SGCZ: variants seen among roughly 807,000 people sequenced by gnomAD.
The protein encoded by SGCZ is zeta-sarcoglycan.
A neutral mutation model predicts 41.3 loss-of-function variants in SGCZ; 40 were observed. That is an observed-to-expected ratio of 0.97 (90% confidence interval 0.75 to 1.26). The LOEUF (loss-of-function observed/expected upper bound fraction) is 1.26. Among genes scored for constraint, SGCZ ranks in the 50% most tolerant of loss-of-function variants. The pLI is 0.00. For synonymous variants in SGCZ, 206 were observed against 137.5 expected, an observed-to-expected ratio of 1.50 and a Z score of -3.49; for missense variants, 552 against 369.8, an observed-to-expected ratio of 1.49 and a Z score of -4.04.
chr8:15,113,652 G>C (rs1190677609), intron 1 of SGCZ, among the ~76,000 whole-genome samples: 3 of 152,174 alleles, frequency 2.0e-5, no homozygotes, highest in Admixed American at 6.5e-5. Context: ...CCTGCTTTCA[G>C]TCCCCCTTCC....
intron 5 of SGCZ, among the ~76,000 whole-genome samples, chr8:14,115,147 A>C (rs1397510034): frequency 6.6e-6 from 1 of 152,004 alleles, no homozygotes; most frequent in Non-Finnish European, 1.5e-5. Context: ...TTAATTCCAA[A>C]GTATGTGATT....
intron 4 of SGCZ, among the ~76,000 whole-genome samples, chr8:14,215,316 T>C (rs1022050308): frequency 2.0e-5 from 3 of 152,134 alleles, no homozygotes; most frequent in African/African-American, 7.2e-5. Context: ...TGTGTATATA[T>C]ACATATTTAA....
intron 1 of SGCZ, among the ~76,000 whole-genome samples, chr8:15,007,704 CATGT>C (rs1324485266): frequency 1.3e-5 from 2 of 152,230 alleles, no homozygotes; most frequent in African/African-American, 4.8e-5. Flanking sequence ...TCTTAGCATG[CATGT>C]GTCATAATAT....
intron 3 of SGCZ, among the ~76,000 whole-genome samples, chr8:14,316,878 C>T (rs1037207654): frequency 6.7e-6 from 1 of 149,380 alleles, no homozygotes; most frequent in Non-Finnish European, 1.5e-5. Context: ...AACATGAAAT[C>T]TAGACTCATA....
intron 5 of SGCZ, among the ~76,000 whole-genome samples, chr8:14,159,425 C>G (rs112588990): frequency 1.5e-3 from 234 of 152,150 alleles, no homozygotes; most frequent in African/African-American, 5.4e-3. Flanking sequence ...TTAGAGGAAA[C>G]AGCTTATTTT....
chr8:14,507,123 A>G (rs555910882), intron 2 of SGCZ, among the ~76,000 whole-genome samples: 38 of 130,402 alleles, frequency 2.9e-4, no homozygotes, highest in Admixed American at 3.6e-4. Context: ...AATCTTCCCT[A>G]TCTTCCAAAC....
At chr8:14,387,826 C>A (rs1156540366) in intron 2 of SGCZ, among the ~76,000 whole-genome samples, 1 of 151,968 alleles carries the variant, frequency 6.6e-6, no homozygotes, top group East Asian at 1.9e-4. Context: ...CTGGTCTTTG[C>A]ATTTTTAGCT....
chr8:14,448,128 G>A (rs1585527538), intron 2 of SGCZ, among the ~76,000 whole-genome samples: 1 of 152,198 alleles, frequency 6.6e-6, no homozygotes, highest in East Asian at 1.9e-4. Flanking sequence ...GAGATGGAAT[G>A]TAGATGCTAA....
rs1468971109 is a variant in SGCZ at position 14,551,577 on chromosome 8, T to C, written c.234+3155A>G. On this transcript the variant is annotated intron_variant, in intron 2 of 7. Transcript: ENST00000382080. ...ATATATATTATATATATAATATATA[T>C]ATAATATATATAATATATATTATAT... Among the ~76,000 whole-genome samples the C allele has an allele frequency of 1.6e-4, 6 of 36,760 alleles. 1 individual carries two copies. Among genetic ancestry groups the C allele is most frequent in the South Asian group, 6.1e-4 (1 of 1,650 alleles). 24.1% of individuals were successfully genotyped at this position (36,760 alleles called of 152,430 possible). A position where few individuals can be genotyped will look rare whatever the true frequency, so the allele number is the denominator to read the frequency against.
chr8:14,438,795 G>C (rs957674374), intron 2 of SGCZ, among the ~76,000 whole-genome samples: 13 of 151,836 alleles, frequency 8.6e-5, no homozygotes, highest in Admixed American at 8.5e-4. Context: ...AGAAAACCAT[G>C]ATAATTTTAA....
intron 1 of SGCZ, among the ~76,000 whole-genome samples, chr8:14,683,609 C>G (rs1321063505): frequency 2.0e-5 from 3 of 151,972 alleles, no homozygotes; most frequent in Non-Finnish European, 4.4e-5. Flanking sequence ...CTTATTTTCC[C>G]AGATAATAAG....
At chr8:14,263,164 A>T (rs7813566) in intron 3 of SGCZ, among the ~76,000 whole-genome samples, 131,744 of 152,192 alleles carry the variant, frequency 0.87, 57,876 homozygotes, top group Non-Finnish European at 0.95. Context: ...ATTCAAAACT[A>T]TTTTTCAACA....
intron 1 of SGCZ, among the ~76,000 whole-genome samples, chr8:15,091,981 T>C (rs1806169783): frequency 6.6e-6 from 1 of 152,140 alleles, no homozygotes. Context: ...CTCGAAATCC[T>C]GGGCTCAAGC....
At chr8:14,795,949 G>C (rs1429801583) in intron 1 of SGCZ, among the ~76,000 whole-genome samples, 1 of 152,108 alleles carries the variant, frequency 6.6e-6, no homozygotes, top group African/African-American at 2.4e-5. Flanking sequence ...TCCTGTGTTA[G>C]TTTTCTAAGG....
intron 2 of SGCZ, among the ~76,000 whole-genome samples, chr8:14,443,298 TG>T (rs1800328075): frequency 6.6e-6 from 1 of 152,064 alleles, no homozygotes; most frequent in Admixed American, 6.6e-5. Flanking sequence ...TTCACAGAAT[TG>T]GAAAAAACGA....
intron 1 of SGCZ, among the ~76,000 whole-genome samples, chr8:14,684,970 C>G (rs1485000058): frequency 1.3e-5 from 2 of 152,086 alleles, no homozygotes; most frequent in African/African-American, 4.8e-5. Context: ...AATGTACAAG[C>G]AAACTTTGTC....
chr8:14,205,671 C>A (rs1430739960), intron 4 of SGCZ, among the ~76,000 whole-genome samples: 1 of 152,086 alleles, frequency 6.6e-6, no homozygotes, highest in Non-Finnish European at 1.5e-5. Flanking sequence ...TGTTTTTCAT[C>A]TAAGTTTCCA....
At chr8:14,471,602 A>G (rs1340116520) in intron 2 of SGCZ, among the ~76,000 whole-genome samples, 3 of 152,108 alleles carry the variant, frequency 2.0e-5, no homozygotes, top group Non-Finnish European at 2.9e-5. Context: ...AACGTATCCT[A>G]TAATTATTAC....
At position 14,238,023 on chromosome 8, in the gene SGCZ, A is replaced by G. The variant is rs546503064; in HGVS notation, c.337-344T>C. Reference sequence around the variant, plus strand: ...TGCAGATATTCCAGACGCTATCCCAATGGCAAAAGTCCCTTTTTAAGTTTA... The same window carrying G: ...TGCAGATATTCCAGACGCTATCCCAGTGGCAAAAGTCCCTTTTTAAGTTTA... On this transcript the variant is annotated intron_variant, in intron 3 of 7. Coordinates refer to ENST00000382080, the MANE Select transcript of SGCZ (RefSeq NM_139167.4). Among the ~76,000 whole-genome samples, 152 of 152,164 alleles carry G rather than the reference A, an allele frequency of 1.0e-3. 1 individual carries two copies. The highest frequency in any genetic ancestry group is 1.7e-3 in the Non-Finnish European group (119 of 68,034).
Sources: allele counts gnomAD v4.1 joint callset (sites outside exome capture counted in the v4.1 genomes callset), GRCh38; gene constraint gnomAD v4.1.1; transcripts MANE v1.5; gene names NCBI Gene and HGNC (gene_info 2026-07-23, HGNC 2026-07-21).